OR1J2: variants seen among roughly 807,000 people sequenced by gnomAD.
The protein encoded by OR1J2 is olfactory receptor 1J2.
For synonymous variants in OR1J2, 142 were observed against 99.7 expected, an observed-to-expected ratio of 1.42 and a Z score of -2.52; for missense variants, 304 against 246.1, an observed-to-expected ratio of 1.24 and a Z score of -1.57.
At chr9:122,516,414 C>T (rs904749243), downstream of OR1J2, among the ~76,000 whole-genome samples, 1 of 150,720 alleles carries the variant, frequency 6.6e-6, no homozygotes, top group Non-Finnish European at 1.5e-5. Context: ...CGCCCTTCTC[C>T]TGCCTCAGCC....
chr9:122,475,584 C>T, the OR1J2 span: 1 of 152,174 alleles, frequency 6.6e-6, no homozygotes, highest in Admixed American at 6.5e-5. Flanking sequence ...TTTAGATCCA[C>T]ATTAGATTGA....
chr9:122,476,500 A>G, the OR1J2 span, among the ~76,000 whole-genome samples: 2 of 152,240 alleles, frequency 1.3e-5, no homozygotes, highest in African/African-American at 4.8e-5. Context: ...CCTATACAAC[A>G]TATCCTATTT....
the OR1J2 span, among the ~76,000 whole-genome samples, chr9:122,467,993 A>G: frequency 6.6e-6 from 1 of 152,220 alleles, no homozygotes; most frequent in African/African-American, 2.4e-5. Context: ...TCACCTGGAC[A>G]TTAATGCCTC....
the OR1J2 span, among the ~76,000 whole-genome samples, chr9:122,548,672 C>T: frequency 1.4e-4 from 21 of 151,210 alleles, no homozygotes; most frequent in Non-Finnish European, 2.4e-4. Context: ...TATGCATGTC[C>T]CATGTTGGTG....
chr9:122,477,746 A>G, the OR1J2 span: 1 of 1,614,130 alleles, frequency 6.2e-7, no homozygotes, highest in African/African-American at 1.3e-5. Flanking sequence ...CTAAGGAAGA[A>G]GTACATGGGG....
chr9:122,541,479 A>G, the OR1J2 span, among the ~76,000 whole-genome samples: 24 of 152,208 alleles, frequency 1.6e-4, no homozygotes, highest in African/African-American at 5.8e-4. Context: ...TCCTATCCCA[A>G]CGGAAGTTGG....
At chr9:122,518,094 A>G in the OR1J2 span, among the ~76,000 whole-genome samples, 5 of 152,214 alleles carry the variant, frequency 3.3e-5, no homozygotes, top group Non-Finnish European at 5.9e-5. Flanking sequence ...TAGCAAAGAC[A>G]TGGAATCAAC....
At chr9:122,500,900 C>T in the OR1J2 span, among the ~76,000 whole-genome samples, 1 of 152,018 alleles carries the variant, frequency 6.6e-6, no homozygotes, top group Non-Finnish European at 1.5e-5. Flanking sequence ...GAATTAGTTA[C>T]AAACTAGTTT....
the OR1J2 span, chr9:122,568,058 G>A: frequency 2.5e-6 from 4 of 1,614,022 alleles, no homozygotes; most frequent in Non-Finnish European, 2.5e-6. Context: ...GGACACAGTG[G>A]TGGTGGCTCA....
chr9:122,554,182 T>A, the OR1J2 span: 1 of 1,568,558 alleles, frequency 6.4e-7, no homozygotes, highest in Non-Finnish European at 8.7e-7. Context: ...TAGACGGTGA[T>A]GTCTAATCTT....
the OR1J2 span, among the ~76,000 whole-genome samples, chr9:122,550,149 C>T: frequency 6.6e-6 from 1 of 151,992 alleles, no homozygotes; most frequent in Non-Finnish European, 1.5e-5. Context: ...ATGAGAAAAC[C>T]TTGAGGAAAT....
chr9:122,552,121 T>C, the OR1J2 span, among the ~76,000 whole-genome samples: 79,508 of 151,290 alleles, frequency 0.53, 21,185 homozygotes, highest in East Asian at 0.66. Context: ...AGTTCGATGA[T>C]CAGGTGACCA....
chr9:122,538,406 T>G, the OR1J2 span, among the ~76,000 whole-genome samples: 1 of 152,178 alleles, frequency 6.6e-6, no homozygotes, highest in Non-Finnish European at 1.5e-5. Context: ...TAAATGGAAT[T>G]GGGTTCTTGA....
the OR1J2 span, chr9:122,471,264 C>T: frequency 6.6e-6 from 1 of 152,184 alleles, no homozygotes; most frequent in Non-Finnish European, 1.5e-5. Flanking sequence ...CCATACTGTT[C>T]TCATGGTAGT....
the OR1J2 span, among the ~76,000 whole-genome samples, chr9:122,550,188 G>A: frequency 4.0e-5 from 6 of 151,806 alleles, no homozygotes; most frequent in Middle Eastern, 3.4e-3. Flanking sequence ...TAAAATCTCC[G>A]AAGATTGTGC....
At chr9:122,447,827 C>T in the OR1J2 span, among the ~76,000 whole-genome samples, 1 of 152,040 alleles carries the variant, frequency 6.6e-6, no homozygotes, top group Non-Finnish European at 1.5e-5. Context: ...ATACAACAGA[C>T]AAGATAAAAT....
chr9:122,526,214 T>A, the OR1J2 span: 1 of 465,068 alleles, frequency 2.2e-6, no homozygotes, highest in Non-Finnish European at 3.7e-6. Flanking sequence ...GTTATCTCCA[T>A]TTTATAAATG....
chr9:122,537,597 A>G, the OR1J2 span, among the ~76,000 whole-genome samples: 1 of 152,214 alleles, frequency 6.6e-6, no homozygotes, highest in Non-Finnish European at 1.5e-5. Context: ...GTAATTTGAT[A>G]GGAACTGCAT....
chr9:122,477,752 T>A, the OR1J2 span: 2 of 1,613,868 alleles, frequency 1.2e-6, no homozygotes, highest in Non-Finnish European at 1.7e-6. Flanking sequence ...AAGAAGTACA[T>A]GGGGGTGTGA....
Sources: allele counts gnomAD v4.1 joint callset (sites outside exome capture counted in the v4.1 genomes callset), GRCh38; gene constraint gnomAD v4.1.1; transcripts MANE v1.5; gene names NCBI Gene and HGNC (gene_info 2026-07-23, HGNC 2026-07-21).